FER: variants seen among roughly 807,000 people sequenced by gnomAD.
FER encodes the protein FER tyrosine kinase, also known as tyrosine-protein kinase Fer.
FER carries 63 observed loss-of-function variants against 111.0 expected under a neutral mutation model. The observed-to-expected ratio is 0.57, with a 90% confidence interval of 0.46 to 0.70. FER has a LOEUF of 0.70. Ranked by LOEUF, FER falls within the 30% of genes least tolerant of loss-of-function variation. FER has a pLI of 0.00. For missense variants in FER, 914 were observed against 954.0 expected (o/e 0.96, Z 0.55); for synonymous variants, 327 against 313.9 (o/e 1.04, Z -0.44).
intron 16 of FER, among the ~76,000 whole-genome samples, chr5:109,060,685 A>C (rs1340680610): frequency 6.6e-6 from 1 of 152,000 alleles, no homozygotes; most frequent in Non-Finnish European, 1.5e-5. Context: ...TCTGTCTCCA[A>C]AAAAGAAATA....
At chr5:108,770,506 G>A (rs929513960) in intron 2 of FER, among the ~76,000 whole-genome samples, 1 of 151,856 alleles carries the variant, frequency 6.6e-6, no homozygotes, top group Non-Finnish European at 1.5e-5. Context: ...ACAGAGTCTC[G>A]CTGTATTGCC....
At chr5:109,002,299 A>G (rs1270410482) in intron 13 of FER, among the ~76,000 whole-genome samples, 1 of 151,924 alleles carries the variant, frequency 6.6e-6, no homozygotes, top group Non-Finnish European at 1.5e-5. Flanking sequence ...AACAGAACAG[A>G]GCCCTCAGAA....
intron 10 of FER, among the ~76,000 whole-genome samples, chr5:108,898,871 A>G (rs1363952462): frequency 4.6e-5 from 7 of 151,576 alleles, no homozygotes. Context: ...TAGAATGCAC[A>G]GAACAGCCCC....
rs886436279 is a variant in FER, at chr5:109,189,908, A to C, written c.*2333A>C. ...ACATCATTACTCTGTGCTTAAATTT[A>C]AAAAGCTTTTCAAAACATCGTGACA... On this transcript the variant is annotated 3_prime_UTR_variant, in exon 20 of 20. Transcript: ENST00000281092. 3 of 152,190 alleles carry C rather than the reference A, an allele frequency of 2.0e-5. No individual in the cohort carries two copies. Among genetic ancestry groups the C allele is most frequent in the Non-Finnish European group, 2.9e-5 (2 of 68,014 alleles). The allele number at this position is 152,190 out of a possible 1,614,324, so 9.4% of individuals were successfully genotyped here. A position where few individuals can be genotyped will look rare whatever the true frequency, so the allele number is the denominator to read the frequency against.
intron 13 of FER, among the ~76,000 whole-genome samples, chr5:108,969,201 A>C (rs1352817650): frequency 6.6e-6 from 1 of 152,200 alleles, no homozygotes; most frequent in Non-Finnish European, 1.5e-5. Flanking sequence ...CTTTAGTTCT[A>C]TGCATGTATG....
intron 17 of FER, among the ~76,000 whole-genome samples, chr5:109,138,770 A>G (rs1303512605): frequency 6.6e-6 from 1 of 152,236 alleles, no homozygotes; most frequent in Non-Finnish European, 1.5e-5. Flanking sequence ...TATTACAGCT[A>G]TTCCAGAAAG....
At chr5:109,033,011 C>G (rs1769859661) in intron 13 of FER, among the ~76,000 whole-genome samples, 1 of 152,158 alleles carries the variant, frequency 6.6e-6, no homozygotes, top group Non-Finnish European at 1.5e-5. Context: ...TGTATGGTCA[C>G]AGATCACTTG....
At chr5:109,065,700 C>T (rs80014098) in intron 16 of FER, among the ~76,000 whole-genome samples, 2 of 152,248 alleles carry the variant, frequency 1.3e-5, no homozygotes, top group East Asian at 3.9e-4. Context: ...CATTGTATAG[C>T]CTCTTGTCAG....
At chr5:109,019,839 A>G (rs1367258822) in intron 13 of FER, among the ~76,000 whole-genome samples, 2 of 151,864 alleles carry the variant, frequency 1.3e-5, no homozygotes, top group Admixed American at 6.6e-5. Context: ...AGATATATTT[A>G]TATATAAAAA....
intron 10 of FER, among the ~76,000 whole-genome samples, chr5:108,935,079 A>G (rs1238429702): frequency 6.6e-6 from 1 of 152,094 alleles, no homozygotes; most frequent in African/African-American, 2.4e-5. Flanking sequence ...GCTGCTGCTT[A>G]TAAGGTAAAT....
intron 13 of FER, among the ~76,000 whole-genome samples, chr5:109,028,713 A>G (rs1769136815): frequency 6.6e-6 from 1 of 152,220 alleles, no homozygotes; most frequent in South Asian, 2.1e-4. Context: ...TATTGTCGCA[A>G]AAGACTGACT....
At chr5:108,751,796 T>G (rs1192957113) in intron 1 of FER, among the ~76,000 whole-genome samples, 1 of 152,162 alleles carries the variant, frequency 6.6e-6, no homozygotes, top group East Asian at 1.9e-4. Flanking sequence ...CTGAGGAATA[T>G]TTTGATATAA....
intron 13 of FER, among the ~76,000 whole-genome samples, chr5:109,014,468 T>C (rs1244486124): frequency 1.3e-5 from 2 of 152,182 alleles, no homozygotes; most frequent in East Asian, 1.9e-4. Flanking sequence ...AGCACCATGC[T>C]GTTTTGGTTA....
intron 10 of FER, among the ~76,000 whole-genome samples, chr5:108,920,880 A>G (rs377149388): frequency 6.6e-6 from 1 of 152,160 alleles, no homozygotes; most frequent in East Asian, 1.9e-4. Flanking sequence ...ACTCAATTAC[A>G]TAATCTCATC....
chr5:109,101,793 G>A (rs956827585), intron 17 of FER, among the ~76,000 whole-genome samples: 4 of 152,080 alleles, frequency 2.6e-5, no homozygotes, highest in Non-Finnish European at 4.4e-5. Context: ...TCAACACTGT[G>A]TTAAAATTAA....
At chr5:109,007,037 TTAG>T (rs1190051284) in intron 13 of FER, among the ~76,000 whole-genome samples, 2 of 152,186 alleles carry the variant, frequency 1.3e-5, no homozygotes, top group African/African-American at 4.8e-5. Flanking sequence ...GAGGTTTTTA[TTAG>T]TTGGGTTATT....
chr5:109,144,607 G>A (rs1340336653), intron 17 of FER, among the ~76,000 whole-genome samples: 1 of 152,026 alleles, frequency 6.6e-6, no homozygotes, highest in African/African-American at 2.4e-5. Context: ...CTTGTTTTGG[G>A]GTTTTCTTTG....
At chr5:109,168,006 A>G (rs1362441404) in intron 17 of FER, among the ~76,000 whole-genome samples, 1 of 150,888 alleles carries the variant, frequency 6.6e-6, no homozygotes, top group Non-Finnish European at 1.5e-5. Flanking sequence ...TCTTAGCTTA[A>G]TTATACCAAA....
rs771193821 is a variant in FER, at chr5:108,883,537, AT to A, written c.1046+22del. On this transcript the variant is annotated intron_variant, in intron 9 of 19. Coordinates refer to ENST00000281092, the MANE Select transcript of FER (RefSeq NM_005246.4). ...AGTCTGAGTGAGTAAAAGAGAAACA[AT>A]TTGAAGGAAGAATGTTTAATTGTAA... 10 of 1,547,430 alleles carry A rather than the reference AT, an allele frequency of 6.5e-6. No homozygotes were observed. The Admixed American group carries it at 1.5e-4, about 24-fold the overall frequency.
Sources: gnomAD v4.1 joint callset for allele counts (sites outside exome capture counted in the v4.1 genomes callset) on GRCh38, gnomAD v4.1.1 for gene constraint, MANE v1.5 for transcripts, NCBI Gene and HGNC (gene_info 2026-07-23, HGNC 2026-07-21) for gene names.